The following ZNF589 variants were observed in gnomAD, a reference collection of about 807,000 sequenced individuals.
The protein encoded by ZNF589 is zinc finger protein 589.
In ZNF589, 17 loss-of-function variants were observed where a neutral mutation model predicts 13.6. The observed-to-expected ratio is 1.25, with a 90% CI of 0.86 to 1.88. The LOEUF (loss-of-function observed/expected upper bound fraction) is 1.88. Among genes scored for constraint, ZNF589 ranks in the 40% most tolerant of loss-of-function variants. ZNF589 has a pLI of 0.00. For missense variants in ZNF589, 407 were observed against 434.0 expected, an observed-to-expected ratio of 0.94 and a Z score of 0.55; for synonymous variants, 148 against 161.6, an observed-to-expected ratio of 0.92 and a Z score of 0.64.
At chr3:48,254,152 A>G (rs550218305) in intron 2 of ZNF589, among the ~76,000 whole-genome samples, 1 of 152,230 alleles carries the variant, frequency 6.6e-6, no homozygotes, top group South Asian at 2.1e-4. Context: ...GCTACTTGGG[A>G]GGCTGAGGCA....
intron 1 of ZNF589, among the ~76,000 whole-genome samples, chr3:48,244,592 C>T (rs1247826163): frequency 6.6e-6 from 1 of 152,000 alleles, no homozygotes; most frequent in East Asian, 1.9e-4. Flanking sequence ...TCACTTGACA[C>T]ATTCTCATCA....
chr3:48,268,620 G>C lies in ZNF589; in HGVS notation c.929G>C (p.Gly310Ala), dbSNP rs1192347442. Residue 310 changes from glycine (G) to alanine (A), a missense_variant, in exon 4 of 4, where the codon GGG (glycine) becomes GCG (alanine). Physicochemically the swap from Gly to Ala is moderately conservative, Grantham distance 60 (BLOSUM62 0). Coordinates refer to ENST00000354698, the MANE Select transcript of ZNF589 (RefSeq NM_016089.3). ...AAACCTTATGTGTGCAGCCATTGTG[G>C]GCGAGGCTTTAGCTGCAAGCCATAC... ...GEKPYVCSHC[G>A]RGFSCKPYLI... 6.2e-7 allele frequency: 1 copy of C among 1,613,886 alleles called. No homozygotes were observed. The highest frequency in any genetic ancestry group is 8.5e-7 in the Non-Finnish European group (1 of 1,179,986).
At position 48,268,366 on chromosome 3, in the gene ZNF589, C is replaced by G; in HGVS notation, c.675C>G (p.Asn225Lys). ...TTGGGGAGTGTGCACTAGCTTTTAACCAGAAGTCAAACCTGTTCAGACAGA... is the reference window on the plus strand; with the variant it reads ...TTGGGGAGTGTGCACTAGCTTTTAAGCAGAAGTCAAACCTGTTCAGACAGA... The part of the protein sequence containing the change: ...VTFGECALAF[N>K]QKSNLFRQKA... The change falls in exon 4 of 4, where the codon AAC becomes AAG. Residue 225 changes from asparagine to lysine, a missense_variant. Coordinates refer to ENST00000354698, the MANE Select transcript of ZNF589 (RefSeq NM_016089.3). 1 of 1,614,146 alleles carries G rather than the reference C, an allele frequency of 6.2e-7. No individual in the cohort carries two copies. Among genetic ancestry groups the G allele is most frequent in the East Asian group, 2.2e-5 (1 of 44,884 alleles).
Position 48,268,421 on chromosome 3 carries a change from A to T in ZNF589, c.730A>T (p.Lys244Ter). The part of the protein sequence containing the change: ...KAVTAEKSSD[K>*]RQSQVCRECG... ...AGTCACAGCAGAAAAATCTTCAGAC[A>T]AAAGGCAGTCACAGGTGTGCAGGGA... The change falls in exon 4 of 4, where the codon AAA (lysine) becomes TAA (stop). Residue 244 changes from lysine (K) to a stop codon, truncating the protein, a stop_gained. Transcript: ENST00000354698. LOFTEE classifies it low-confidence loss of function (END_TRUNC). 1 of 1,614,224 alleles carries T rather than the reference A, an allele frequency of 6.2e-7. No homozygotes were observed. The highest frequency in any genetic ancestry group is 8.5e-7 in the Non-Finnish European group (1 of 1,180,030).
At chr3:48,253,401 T>G (rs1239793246) in intron 2 of ZNF589, among the ~76,000 whole-genome samples, 1 of 152,194 alleles carries the variant, frequency 6.6e-6, no homozygotes, top group Admixed American at 6.5e-5. Context: ...TTCAGATTTC[T>G]TTAGTTTTAA....
rs201202785 is a variant in ZNF589 at position 48,241,165 on chromosome 3, C to G, written c.-7C>G. On this transcript the variant is annotated 5_prime_UTR_variant, in exon 1 of 4. Transcript: ENST00000354698. ...CTCGTTTGCTTCGTGCGTGCGTGCG[C>G]GCGCAGATGTGGGCCCCGCGGGAGC... 1.2e-6 allele frequency: 1 copy of G among 803,008 alleles called. No individual in the cohort carries two copies. The highest frequency in any genetic ancestry group is 2.3e-5 in the South Asian group (1 of 44,088). The allele number at this position is 803,008 out of a possible 1,614,324, so 49.7% of individuals were successfully genotyped here.
In ZNF589 at chr3:48,256,389, G is replaced by C. The variant is rs79734812; in HGVS notation, c.97-4424G>C. The C allele has an allele frequency of 1.1e-4, 61 of 563,694 alleles. No individual in the cohort carries two copies. In the East Asian group the frequency reaches 2.8e-3, roughly 26 times the overall value. The allele number at this position is 563,694 out of a possible 1,614,324, so 34.9% of individuals were successfully genotyped here. ...AAGGTGTCCTTGAGTAGCAGACATTGTCCCTCAGGAGGGTTGACCCCAAGG... is the reference window on the plus strand; with the variant it reads ...AAGGTGTCCTTGAGTAGCAGACATTCTCCCTCAGGAGGGTTGACCCCAAGG... On this transcript the variant is annotated intron_variant, in intron 2 of 3. Coordinates refer to ENST00000354698, the MANE Select transcript of ZNF589 (RefSeq NM_016089.3).
chr3:48,249,863 C>T (rs1193542986), intron 2 of ZNF589, among the ~76,000 whole-genome samples: 1 of 152,188 alleles, frequency 6.6e-6, no homozygotes, highest in Non-Finnish European at 1.5e-5. Context: ...AACAGTGGCT[C>T]ATACCTGTAA....
At chr3:48,242,574 G>T (rs536563516) in intron 1 of ZNF589, among the ~76,000 whole-genome samples, 6 of 152,060 alleles carry the variant, frequency 3.9e-5, no homozygotes, top group Non-Finnish European at 7.3e-5. Context: ...AAAGTGCTAG[G>T]ATTATAGGCG....
At chr3:48,243,595 T>A (rs969916718) in intron 1 of ZNF589, among the ~76,000 whole-genome samples, 1 of 152,006 alleles carries the variant, frequency 6.6e-6, no homozygotes, top group African/African-American at 2.4e-5. Flanking sequence ...GTAGATCACC[T>A]GAGGTCAGGA....
chr3:48,247,562 T>G, intron 1 of ZNF589, 63 bp from the exon 2 acceptor site: 1 of 1,598,172 alleles, frequency 6.3e-7, no homozygotes, highest in Non-Finnish European at 8.6e-7. Context: ...AGAGGGCTCT[T>G]GGGGATCCTC....
At chr3:48,247,122 T>C (rs539097342) in intron 1 of ZNF589, among the ~76,000 whole-genome samples, 40 of 152,020 alleles carry the variant, frequency 2.6e-4, no homozygotes, top group African/African-American at 9.6e-4. Context: ...AGGCGTGCAC[T>C]ACCATGCCTG....
At chr3:48,257,185 G>C (rs1234129438) in intron 2 of ZNF589, among the ~76,000 whole-genome samples, 2 of 152,166 alleles carry the variant, frequency 1.3e-5, no homozygotes, top group African/African-American at 4.8e-5. Context: ...GTTAGGAAAT[G>C]TTCCCTCTGC....
chr3:48,244,269 T>C (rs535803754), intron 1 of ZNF589, among the ~76,000 whole-genome samples: 1 of 152,318 alleles, frequency 6.6e-6, no homozygotes, highest in African/African-American at 2.4e-5. Context: ...TTTGCTCAGA[T>C]GTAGCCACTG....
At chr3:48,247,780 G>C (rs1384777957) in intron 2 of ZNF589, 103 bp downstream of exon 2, 3 of 1,321,710 alleles carry the variant, frequency 2.3e-6, no homozygotes, top group Non-Finnish European at 1.1e-6. Context: ...TAACATTTAA[G>C]TGGTTTATGC....
At chr3:48,256,609 TTCCCG>T (rs2033905601) in intron 2 of ZNF589, 3 of 815,012 alleles carry the variant, frequency 3.7e-6, no homozygotes, top group South Asian at 2.8e-5. Flanking sequence ...TGCAGTTCTC[TTCCCG>T]TCATAGGCCT....
At chr3:48,251,776 C>T (rs528131342) in intron 2 of ZNF589, among the ~76,000 whole-genome samples, 1 of 152,134 alleles carries the variant, frequency 6.6e-6, no homozygotes, top group South Asian at 2.1e-4. Flanking sequence ...GGCACAGTGG[C>T]TCATACCTGT....
intron 3 of ZNF589, among the ~76,000 whole-genome samples, chr3:48,263,683 C>T (rs148000660): frequency 0.04 from 6,026 of 152,138 alleles, 232 homozygotes; most frequent in South Asian, 0.047. Context: ...CGCTTGAACC[C>T]CGGAGGCGGA....
Position 48,269,471 on chromosome 3 carries a change from G to T in ZNF589, c.*685G>T. Reference sequence around the variant, plus strand: ...GTGTGGGGAATGTGGGCGGGGATTTGGCCGGAAGATACTCCTCAACAGACA... The same window carrying T: ...GTGTGGGGAATGTGGGCGGGGATTTTGCCGGAAGATACTCCTCAACAGACA... On this transcript the variant is annotated 3_prime_UTR_variant, in exon 4 of 4. Coordinates refer to ENST00000354698, the MANE Select transcript of ZNF589 (RefSeq NM_016089.3). 5 of 332,768 alleles carry T rather than the reference G, an allele frequency of 1.5e-5. No homozygotes were observed. The highest frequency in any genetic ancestry group is 2.3e-5 in the Non-Finnish European group (4 of 171,400). 20.6% of individuals were successfully genotyped at this position (332,768 alleles called of 1,614,324 possible).
Sources: gnomAD v4.1 joint callset for allele counts (sites outside exome capture counted in the v4.1 genomes callset) on GRCh38, gnomAD v4.1.1 for gene constraint, MANE v1.5 for transcripts, NCBI Gene and HGNC (gene_info 2026-07-23, HGNC 2026-07-21) for gene names.